Variants in IGDCC3 observed in about 807,000 individuals in gnomAD.
IGDCC3 encodes immunoglobulin superfamily DCC subclass member 3, also known as putative neuronal cell adhesion molecule.
In IGDCC3, 47 loss-of-function variants were observed where a neutral mutation model predicts 72.0. The observed-to-expected ratio is 0.65, with a 90% CI of 0.52 to 0.83. The LOEUF (loss-of-function observed/expected upper bound fraction) is 0.83. IGDCC3 is among the 40% of genes least tolerant of loss of function. The pLI is 0.00. For synonymous variants in IGDCC3, 477 were observed against 472.8 expected, an observed-to-expected ratio of 1.01 and a Z score of -0.11; for missense variants, 1,038 against 1,091.3, an observed-to-expected ratio of 0.95 and a Z score of 0.69.
intron 2 of IGDCC3, among the ~76,000 whole-genome samples, chr15:65,368,720 T>C (rs2091304810): frequency 6.6e-6 from 1 of 152,114 alleles, no homozygotes; most frequent in Admixed American, 6.5e-5. Context: ...AGAGAGAATC[T>C]CAGTTCCTCT....
chr15:65,332,226 C>T, intron 6 of IGDCC3, 120 bp from the exon 7 acceptor site: 2 of 1,210,364 alleles, frequency 1.7e-6, no homozygotes, highest in Non-Finnish European at 2.3e-6. Context: ...TCCAAACACA[C>T]ATCTGCCCCC....
At chr15:65,370,648 A>ATATATATATATATATATATATATATAT (rs1595766478) in intron 2 of IGDCC3, among the ~76,000 whole-genome samples, 2 of 143,594 alleles carry the variant, frequency 1.4e-5, no homozygotes, top group Non-Finnish European at 3.0e-5. Flanking sequence ...ATATATATAT[A>ATATATATATATATATATATATATATAT]AAATTAGTAC....
At chr15:65,331,785 G>T in intron 7 of IGDCC3, 126 bp from the exon 8 acceptor site, 1 of 1,392,312 alleles carries the variant, frequency 7.2e-7, no homozygotes, top group Non-Finnish European at 9.7e-7. Flanking sequence ...CTCCCAGCAA[G>T]TTGGTGGTGG....
In IGDCC3 at chr15:65,329,625, G is replaced by A. The variant is rs372108839; in HGVS notation, c.1998-28C>T. The A allele has an allele frequency of 6.2e-6, 10 of 1,612,008 alleles. No individual in the cohort carries two copies. Among genetic ancestry groups the A allele is most frequent in the South Asian group, 1.1e-5 (1 of 91,034 alleles). On this transcript the variant is annotated intron_variant, in intron 12 of 13. Transcript: ENST00000327987. The surrounding 1 kb of genome is among the most constrained non-coding windows in gnomAD (Gnocchi z 4.1). ...AAGGGTTAGCCAAGAGTTGGGGGGA[G>A]GGAGAGAGAAAAGAGACAGAGGCAG...
At chr15:65,353,735 A>C (rs999410907) in intron 2 of IGDCC3, among the ~76,000 whole-genome samples, 1 of 152,210 alleles carries the variant, frequency 6.6e-6, no homozygotes, top group Non-Finnish European at 1.5e-5. Context: ...CACCAGCACC[A>C]TGACAGTTTA....
chr15:65,334,201 C>T (rs535640542), intron 5 of IGDCC3, among the ~76,000 whole-genome samples: 1 of 152,234 alleles, frequency 6.6e-6, no homozygotes, highest in African/African-American at 2.4e-5. Context: ...CCTTTCTGCT[C>T]AGACAATGTG....
intron 2 of IGDCC3, among the ~76,000 whole-genome samples, chr15:65,366,845 T>TGCCCCTCCTCAGGGA (rs59800496): frequency 0.39 from 58,713 of 151,992 alleles, 12,004 homozygotes; most frequent in East Asian, 0.53. Context: ...TGAGTCCAGG[T>TGCCCCTCCTCAGGGA]GCCCACAGAA....
At position 65,330,627 on chromosome 15, in the gene IGDCC3, C is replaced by T. The variant is rs757578690; in HGVS notation, c.1676G>A (p.Arg559His). ...GGTGAAGGAGGTCTTGCTTGCTGGGCGGTAAAACAGCTTGAAGCCGCCCTC... is the reference window on the plus strand; with the variant it reads ...GGTGAAGGAGGTCTTGCTTGCTGGGTGGTAAAACAGCTTGAAGCCGCCCTC... ...QHEGGFKLFY[R>H]PASKTSFTGP... Residue 559 changes from arginine to histidine, a missense_variant, in exon 10 of 14, where the codon CGC becomes CAC. Physicochemically the swap from Arg to His is conservative, Grantham distance 29. Transcript: ENST00000327987. 2.2e-5 allele frequency: 36 copies of T among 1,613,652 alleles called. No homozygotes were observed. The highest frequency in any genetic ancestry group is 1.2e-4 in the South Asian group (11 of 91,072).
At position 65,369,777 on chromosome 15, in the gene IGDCC3, C is replaced by G. The variant is rs145905849; in HGVS notation, c.409+5320G>C. 4.9e-3 allele frequency among the ~76,000 whole-genome samples: 741 copies of G among 152,124 alleles called. 4 individuals are homozygous for G. Among genetic ancestry groups the G allele is most frequent in the African/African-American group, 0.017 (701 of 41,492 alleles). ...CCAGCCACTGTGCCAGGAACTACCT[C>G]CCTCCATGACCCACCTCCCTACACA... On this transcript the variant is annotated intron_variant, in intron 2 of 13. Transcript: ENST00000327987.
intron 8 of IGDCC3, 73 bp from the exon 9 acceptor site, chr15:65,331,287 C>T: frequency 6.3e-7 from 1 of 1,582,590 alleles, no homozygotes. Context: ...GAAATGAGGG[C>T]AGCCAGGGTG....
At chr15:65,353,116 C>T (rs1270462342) in intron 2 of IGDCC3, among the ~76,000 whole-genome samples, 2 of 152,066 alleles carry the variant, frequency 1.3e-5, no homozygotes, top group African/African-American at 4.8e-5. Context: ...TTACTTGGAA[C>T]AACTTTACTT....
Position 65,328,948 on chromosome 15 carries a change from T to C in IGDCC3, c.2406A>G (p.Ala802=). 3 of 1,575,810 alleles carry C rather than the reference T, an allele frequency of 1.9e-6. No individual in the cohort carries two copies. Among genetic ancestry groups the C allele is most frequent in the Admixed American group, 1.9e-5 (1 of 52,480 alleles). The change falls in exon 14 of 14, where the codon GCA becomes GCG. Residue 802 remains alanine, a synonymous_variant. Coordinates refer to ENST00000327987, the MANE Select transcript of IGDCC3 (RefSeq NM_004884.4). The part of the protein sequence containing the change: ...LLSEGQASRP[A]AARVTQPAHS... ...GAGCTGGCTGGGTAACCCGGGCCGCTGCAGGCCTGGAAGCCTGGCCTTCAC... is the reference window on the plus strand; with the variant it reads ...GAGCTGGCTGGGTAACCCGGGCCGCCGCAGGCCTGGAAGCCTGGCCTTCAC...
chr15:65,329,145 C>T lies in IGDCC3; in HGVS notation c.2209G>A (p.Asp737Asn). The change falls in exon 14 of 14, where the codon GAT becomes AAT. Residue 737 changes from aspartate to asparagine, a missense_variant. Physicochemically the swap from Asp to Asn is conservative, Grantham distance 23. Coordinates refer to ENST00000327987, the MANE Select transcript of IGDCC3 (RefSeq NM_004884.4). This position sits in a 1 kb window ranked among gnomAD's most constrained non-coding sequence, Gnocchi z 4.1. ...AGQPDPRPTQ[D>N]PAAPAPCEET... The stretch of plus-strand genomic sequence containing the variant: ...TCACACGGAGCGGGGGCTGCAGGAT[C>T]CTGCTGGGGAAAGAGCCCGTCACAC... 6.2e-7 allele frequency: 1 copy of T among 1,603,540 alleles called. No individual in the cohort carries two copies. Among genetic ancestry groups the T allele is most frequent in the East Asian group, 2.2e-5 (1 of 44,728 alleles).
At chr15:65,358,889 G>A (rs1348422060) in intron 2 of IGDCC3, among the ~76,000 whole-genome samples, 2 of 152,140 alleles carry the variant, frequency 1.3e-5, no homozygotes, top group African/African-American at 4.8e-5. Flanking sequence ...GGAGTGGCGC[G>A]ATCTTGGCTC....
rs1214518358 is a variant in IGDCC3 at position 65,331,456 on chromosome 15, G to A, written c.1352C>T (p.Thr451Ile). The change falls in exon 8 of 14, where the codon ACC becomes ATC. Residue 451 changes from threonine (T) to isoleucine (I), a missense_variant. By Grantham distance (89) the Thr-to-Ile change is moderately conservative (BLOSUM62 -1). Transcript: ENST00000327987. ...RVSWSEPLAN[T>I]KEIIGYVLHI... Reference sequence around the variant, plus strand: ...CAGGACGTAGCCGATGATCTCCTTGGTGTTGGCCAGCGGCTCACTCCAGGA... The same window carrying A: ...CAGGACGTAGCCGATGATCTCCTTGATGTTGGCCAGCGGCTCACTCCAGGA... The A allele has an allele frequency of 6.2e-7, 1 of 1,613,062 alleles. No homozygotes were observed. The highest frequency in any genetic ancestry group is 2.2e-5 in the East Asian group (1 of 44,850).
rs1432049874 is a variant in IGDCC3 at position 65,333,404 on chromosome 15, T to C, written c.835A>G (p.Ile279Val). The stretch of plus-strand genomic sequence containing the variant: ...AGCACCTGGATGCCCTCCACCCCGA[T>C]AGGGCGACCATCTGCAGAGGAAGGG... Reference protein sequence around the residue: ...VSWSRLDGRPIGVEGIQVLGT... With the variant: ...VSWSRLDGRPVGVEGIQVLGT... The change falls in exon 6 of 14, where the codon ATC (isoleucine) becomes GTC (valine). Residue 279 changes from isoleucine to valine, a missense_variant. Transcript: ENST00000327987. 10 of 1,603,326 alleles carry C rather than the reference T, an allele frequency of 6.2e-6. No individual in the cohort carries two copies. Among genetic ancestry groups the C allele is most frequent in the East Asian group, 2.3e-5 (1 of 44,002 alleles).
rs2090927114 is a variant in IGDCC3 at position 65,327,341 on chromosome 15, A to T, written c.*1568T>A. Reference sequence around the variant, plus strand: ...ATCCACACATCATTTGGGAGAAGGGAAGGGACTACCCTTCCCCAAGTCCAC... The same window carrying T: ...ATCCACACATCATTTGGGAGAAGGGTAGGGACTACCCTTCCCCAAGTCCAC... On this transcript the variant is annotated 3_prime_UTR_variant, in exon 14 of 14. Coordinates refer to ENST00000327987, the MANE Select transcript of IGDCC3 (RefSeq NM_004884.4). 6.6e-6 allele frequency: 1 copy of T among 152,208 alleles called. No homozygotes were observed. 9.4% of individuals were successfully genotyped at this position (152,208 alleles called of 1,614,324 possible).
At position 65,330,706 on chromosome 15, in the gene IGDCC3, C is replaced by A. The variant is rs750703120; in HGVS notation, c.1597G>T (p.Gly533Cys). The change falls in exon 10 of 14, where the codon GGC becomes TGC. Residue 533 changes from glycine to cysteine, a missense_variant. Transcript: ENST00000327987. ...CACAGCAGCTGCAAGGAGGAGCTGCCCAGGACTCGCACTGACAGTGGGGGT... is the reference window on the plus strand; with the variant it reads ...CACAGCAGCTGCAAGGAGGAGCTGCACAGGACTCGCACTGACAGTGGGGGT... ...APPPLSVRVL[G>C]SSSLQLLWEP... 2.4e-5 allele frequency: 39 copies of A among 1,612,514 alleles called. No homozygotes were observed. The South Asian group carries it at 4.0e-4, about 16-fold the overall frequency.
chr15:65,377,816 A>G lies in IGDCC3; in HGVS notation c.-28T>C. On this transcript the variant is annotated 5_prime_UTR_variant, in exon 1 of 14. Coordinates refer to ENST00000327987, the MANE Select transcript of IGDCC3 (RefSeq NM_004884.4). The surrounding 1 kb of genome is among the most constrained non-coding windows in gnomAD (Gnocchi z 4.9). ...GGCTCTCGGTCAGCTCGGCTCGGCG[A>G]CGCGCGGCTCCCGGGCCTCTCGCGG... is the stretch of plus-strand genomic sequence containing the variant. 1 of 1,181,538 alleles carries G rather than the reference A, an allele frequency of 8.5e-7. No individual in the cohort carries two copies. The highest frequency in any genetic ancestry group is 1.0e-6 in the Non-Finnish European group (1 of 955,818). 73.2% of individuals were successfully genotyped at this position (1,181,538 alleles called of 1,614,324 possible).
Sources: gnomAD v4.1 joint callset for allele counts (sites outside exome capture counted in the v4.1 genomes callset) on GRCh38, gnomAD v4.1.1 for gene constraint, Gnocchi (gnomAD v3.1) non-coding constraint, MANE v1.5 for transcripts, NCBI Gene and HGNC (gene_info 2026-07-23, HGNC 2026-07-21) for gene names.